The following KIAA0319L variants were observed in gnomAD, a reference collection of about 807,000 sequenced individuals.
The protein encoded by KIAA0319L is dyslexia-associated protein KIAA0319-like protein.
KIAA0319L carries 55 observed loss-of-function variants against 120.1 expected under a neutral mutation model. That is an observed-to-expected ratio of 0.46 (90% CI 0.37 to 0.57). The LOEUF (loss-of-function observed/expected upper bound fraction) is 0.57. Among genes scored for constraint, KIAA0319L ranks in the 20% least tolerant of loss-of-function variants. KIAA0319L has a pLI of 0.00. For missense variants in KIAA0319L, 1,049 were observed against 1,255.3 expected (o/e 0.84, Z 2.48); for synonymous variants, 398 against 471.9 (o/e 0.84, Z 2.03).
intron 2 of KIAA0319L, among the ~76,000 whole-genome samples, chr1:35,549,160 C>G (rs1647101969): frequency 6.6e-6 from 1 of 151,958 alleles, no homozygotes; most frequent in Non-Finnish European, 1.5e-5. Flanking sequence ...AGGTGATCCT[C>G]TCATCTCAGC....
intron 3 of KIAA0319L, among the ~76,000 whole-genome samples, chr1:35,484,151 G>C (rs1644276859): frequency 6.6e-6 from 1 of 152,218 alleles, no homozygotes; most frequent in African/African-American, 2.4e-5. Context: ...TGAATGCGGG[G>C]AGGGGAGGAC....
At chr1:35,474,686 A>C in intron 5 of KIAA0319L, 119 bp downstream of exon 5, 1 of 600,222 alleles carries the variant, frequency 1.7e-6, no homozygotes, top group Non-Finnish European at 3.0e-6. Flanking sequence ...AGCTACTAGG[A>C]AGACTAAGGT....
At chr1:35,493,041 A>G (rs1644657871) in intron 3 of KIAA0319L, among the ~76,000 whole-genome samples, 1 of 152,214 alleles carries the variant, frequency 6.6e-6, no homozygotes. Context: ...AGTTCTAGCC[A>G]GGGCAATAAG....
chr1:35,552,350 A>G (rs1330136481), intron 2 of KIAA0319L, among the ~76,000 whole-genome samples: 4 of 152,132 alleles, frequency 2.6e-5, no homozygotes, highest in African/African-American at 9.7e-5. Flanking sequence ...CGTTTCAAAA[A>G]AAAAACCTTT....
chr1:35,557,551 A>G (rs1379514527), upstream of KIAA0319L: 3 of 398,558 alleles, frequency 7.5e-6, no homozygotes, highest in African/African-American at 6.2e-5. Context: ...ACTACGCACA[A>G]GCGAAGGAAT....
intron 3 of KIAA0319L, among the ~76,000 whole-genome samples, chr1:35,504,159 T>C (rs1476145396): frequency 6.6e-6 from 1 of 150,982 alleles, no homozygotes; most frequent in Non-Finnish European, 1.5e-5. Flanking sequence ...GTGCTGACAT[T>C]ACAGGCATAA....
In KIAA0319L at chr1:35,454,453, C is replaced by T. The variant is rs780969051; in HGVS notation, c.1689G>A (p.Ala563=). 11 of 1,614,042 alleles carry T rather than the reference C, an allele frequency of 6.8e-6. No homozygotes were observed. The highest frequency in any genetic ancestry group is 3.3e-5 in the South Asian group (3 of 91,070). ...GVRTPTLQLS[A]MQEGDYTYQL... is the part of the protein sequence containing the mutation. Reference sequence around the variant, plus strand: ...GGTAAGTGTAGTCTCCTTCTTGCATCGCAGAGAGCTGTAAGGTTGGTGTTC... The same window carrying T: ...GGTAAGTGTAGTCTCCTTCTTGCATTGCAGAGAGCTGTAAGGTTGGTGTTC... Residue 563 remains alanine, a synonymous_variant, in exon 11 of 21, where the codon GCG becomes GCA. Transcript: ENST00000325722.
chr1:35,442,112 A>C (rs2149075070), intron 19 of KIAA0319L, 134 bp downstream of exon 19: 1 of 712,856 alleles, frequency 1.4e-6, no homozygotes, highest in African/African-American at 1.7e-5. Context: ...TGCATGCCTT[A>C]GGTGGGTCAG....
At chr1:35,440,340 T>G (rs12028045) in intron 20 of KIAA0319L, 7,475 of 152,316 alleles carry the variant, frequency 0.049, 437 homozygotes, top group East Asian at 0.25. Context: ...AAGTGTTTAA[T>G]AAATGCTTTA....
At chr1:35,550,019 C>A (rs145660485) in intron 2 of KIAA0319L, among the ~76,000 whole-genome samples, 121 of 152,284 alleles carry the variant, frequency 7.9e-4, no homozygotes, top group African/African-American at 1.9e-3. Context: ...ATCCCCAGGT[C>A]CAAAACACTA....
intron 2 of KIAA0319L, among the ~76,000 whole-genome samples, chr1:35,530,682 T>C (rs1646330186): frequency 1.3e-5 from 2 of 152,350 alleles, no homozygotes; most frequent in South Asian, 4.1e-4. Flanking sequence ...TTGATAACTG[T>C]ATATCAAGTG....
intron 2 of KIAA0319L, among the ~76,000 whole-genome samples, chr1:35,523,065 C>G (rs945021496): frequency 6.6e-6 from 1 of 151,092 alleles, no homozygotes; most frequent in African/African-American, 2.4e-5. Flanking sequence ...CCCTACCTAC[C>G]TTTCTAGCTC....
intron 6 of KIAA0319L, among the ~76,000 whole-genome samples, chr1:35,469,081 T>A (rs1337555409): frequency 1.3e-5 from 2 of 152,172 alleles, no homozygotes; most frequent in Admixed American, 6.5e-5. Flanking sequence ...CAGGCTGGAG[T>A]GCAGTAGCAT....
chr1:35,456,134 A>C lies in KIAA0319L; in HGVS notation c.1535T>G (p.Val512Gly), dbSNP rs1419875527. The C allele has an allele frequency of 6.2e-7, 1 of 1,613,946 alleles. No homozygotes were observed. Among genetic ancestry groups the C allele is most frequent in the Non-Finnish European group, 8.5e-7 (1 of 1,179,984 alleles). ...PPVANAGPNQ[V>G]ITLPQNSITL... Reference sequence around the variant, plus strand: ...GATGGAGTTTTGGGGCAGGGTGATCACTTGGTTGGGGCCTGCGTTGGCCAC... The same window carrying C: ...GATGGAGTTTTGGGGCAGGGTGATCCCTTGGTTGGGGCCTGCGTTGGCCAC... Residue 512 changes from valine (V) to glycine (G), a missense_variant, in exon 10 of 21, where the codon GTG becomes GGG. Coordinates refer to ENST00000325722, the MANE Select transcript of KIAA0319L (RefSeq NM_024874.5).
At chr1:35,513,288 ATT>A (rs67198806) in intron 2 of KIAA0319L, among the ~76,000 whole-genome samples, 11,413 of 83,420 alleles carry the variant, frequency 0.14, 295 homozygotes, top group Non-Finnish European at 0.19. Flanking sequence ...ATATATATAT[ATT>A]TTTTTTTTTT....
intron 2 of KIAA0319L, among the ~76,000 whole-genome samples, chr1:35,538,104 G>T (rs1646651153): frequency 6.6e-6 from 1 of 152,098 alleles, no homozygotes; most frequent in South Asian, 2.1e-4. Context: ...TCTCGGAATT[G>T]ATCATGCTTC....
chr1:35,507,133 C>A lies in KIAA0319L; in HGVS notation c.145G>T (p.Ala49Ser). 1.3e-6 allele frequency: 2 copies of A among 1,516,142 alleles called. No individual in the cohort carries two copies. Among genetic ancestry groups the A allele is most frequent in the Non-Finnish European group, 1.8e-6 (2 of 1,133,878 alleles). 93.9% of individuals were successfully genotyped at this position (1,516,142 alleles called of 1,614,324 possible). A position where few individuals can be genotyped will look rare whatever the true frequency, so the allele number is the denominator to read the frequency against. Reference sequence around the variant, plus strand: ...CCCTGCTGGCACCTGCTCTCACTGGCATCTAAAAACAAAGAATGAAAACAT... The same window carrying A: ...CCCTGCTGGCACCTGCTCTCACTGGAATCTAAAAACAAAGAATGAAAACAT... ...CFSVLWLSTDASESRCQQGKT... is the reference protein window; with the variant it reads ...CFSVLWLSTDSSESRCQQGKT... The change falls in exon 3 of 21, where the codon GCC becomes TCC. Residue 49 changes from alanine to serine, a missense_variant and splice_region_variant. By Grantham distance (99) the Ala-to-Ser change is moderately conservative. Transcript: ENST00000325722.
At chr1:35,462,044 C>G (rs74066345) in intron 8 of KIAA0319L, among the ~76,000 whole-genome samples, 1 of 152,108 alleles carries the variant, frequency 6.6e-6, no homozygotes, top group Non-Finnish European at 1.5e-5. Context: ...AGGTCTGAAA[C>G]CTCTTGCACC....
intron 3 of KIAA0319L, among the ~76,000 whole-genome samples, chr1:35,501,539 C>T (rs1645004876): frequency 6.6e-6 from 1 of 152,132 alleles, no homozygotes; most frequent in African/African-American, 2.4e-5. Context: ...TTCAAAAGTC[C>T]TCCTCATCCC....
Sources: gnomAD v4.1 joint callset for allele counts (sites outside exome capture counted in the v4.1 genomes callset) on GRCh38, gnomAD v4.1.1 for gene constraint, MANE v1.5 for transcripts, NCBI Gene and HGNC (gene_info 2026-07-23, HGNC 2026-07-21) for gene names.